Variants in NCOA2 observed in about 807,000 individuals in gnomAD.
NCOA2 encodes the protein class E basic helix-loop-helix protein 75.
NCOA2 carries 21 observed loss-of-function variants against 145.1 expected under a neutral mutation model. The ratio of observed to expected loss-of-function variants is 0.14; its 90% CI spans 0.10 to 0.21. The LOEUF is 0.21. Among genes scored for constraint, NCOA2 ranks in the 10% least tolerant of loss-of-function variants. The pLI is 1.00. For missense variants in NCOA2, 1,472 were observed against 1,837.6 expected (o/e 0.80, Z 3.64); for synonymous variants, 619 against 637.5 (o/e 0.97, Z 0.44).
Position 70,157,182 on chromosome 8 carries a change from G to C in NCOA2, c.1183C>G (p.Leu395Val), listed in dbSNP as rs752708572. The change falls in exon 11 of 23, where the codon CTG becomes GTG. Residue 395 changes from leucine to valine, a missense_variant. Coordinates refer to ENST00000452400, the MANE Select transcript of NCOA2 (RefSeq NM_006540.4). Reference sequence around the variant, plus strand: ...GGGCTGTTAGAGCTAATTGGATTCAGTGGCTTCCCCATCGTTTGTCCAGTC... The same window carrying C: ...GGGCTGTTAGAGCTAATTGGATTCACTGGCTTCCCCATCGTTTGTCCAGTC... ...DLTGQTMGKP[L>V]NPISSNSPAH... 1.9e-6 allele frequency: 3 copies of C among 1,597,278 alleles called. No homozygotes were observed. Among genetic ancestry groups the C allele is most frequent in the Non-Finnish European group, 2.6e-6 (3 of 1,169,130 alleles).
chr8:70,427,405 C>G, the NCOA2 span, among the ~76,000 whole-genome samples: 7 of 152,270 alleles, frequency 4.6e-5, no homozygotes, highest in African/African-American at 1.7e-4. Context: ...CACGAATGAT[C>G]TACTAGAATC....
upstream of NCOA2, among the ~76,000 whole-genome samples, chr8:70,407,710 T>C (rs1045917351): frequency 2.6e-5 from 4 of 151,972 alleles, no homozygotes; most frequent in East Asian, 7.7e-4. Context: ...GGCAGGAGAA[T>C]TGTTTGAACC....
chr8:70,398,843 T>C (rs575924720), intron 1 of NCOA2, among the ~76,000 whole-genome samples: 1 of 152,324 alleles, frequency 6.6e-6, no homozygotes, highest in African/African-American at 2.4e-5. Context: ...ATCACAGCCA[T>C]GGGGACCCAG....
At chr8:70,281,577 A>C (rs1286224271) in intron 2 of NCOA2, among the ~76,000 whole-genome samples, 2 of 152,058 alleles carry the variant, frequency 1.3e-5, no homozygotes, top group African/African-American at 4.8e-5. Flanking sequence ...AAACTAGGAA[A>C]CTCATCACCC....
At chr8:70,187,902 A>G (rs776589222) in intron 4 of NCOA2, among the ~76,000 whole-genome samples, 2 of 152,244 alleles carry the variant, frequency 1.3e-5, no homozygotes, top group Non-Finnish European at 2.9e-5. Flanking sequence ...ATACACTATC[A>G]TAAGACTTCA....
chr8:70,250,123 G>A (rs536231926), intron 2 of NCOA2, among the ~76,000 whole-genome samples: 1 of 151,870 alleles, frequency 6.6e-6, no homozygotes, highest in East Asian at 1.9e-4. Flanking sequence ...AGGCACGGTG[G>A]CTCATGCCCT....
rs185653218 is a variant in NCOA2 at position 70,315,616 on chromosome 8, C to T, written c.-76-18816G>A. Among the ~76,000 whole-genome samples the T allele has an allele frequency of 9.9e-5, 15 of 152,198 alleles. No individual in the cohort carries two copies. The East Asian group carries it at 2.9e-3, about 29-fold the overall frequency. On this transcript the variant is annotated intron_variant, in intron 1 of 22. Coordinates refer to ENST00000452400, the MANE Select transcript of NCOA2 (RefSeq NM_006540.4). Reference sequence around the variant, plus strand: ...TATCTCTTGCTTATTCTTTTCTTCCCTATCTGTGTTAACAAAGGGAAAAGG... The same window carrying T: ...TATCTCTTGCTTATTCTTTTCTTCCTTATCTGTGTTAACAAAGGGAAAAGG...
intron 11 of NCOA2, among the ~76,000 whole-genome samples, chr8:70,155,084 T>C (rs961772619): frequency 3.9e-5 from 6 of 152,212 alleles, no homozygotes; most frequent in Admixed American, 6.5e-5. Context: ...ATTTTGAATA[T>C]CACTTAAGGT....
At chr8:70,356,690 C>T (rs113677077) in intron 1 of NCOA2, among the ~76,000 whole-genome samples, 190 of 152,292 alleles carry the variant, frequency 1.2e-3, no homozygotes, top group African/African-American at 4.4e-3. Context: ...GACTGCTACC[C>T]AGACTGATGA....
At position 70,156,218 on chromosome 8, in the gene NCOA2, C is replaced by G; in HGVS notation, c.2147G>C (p.Ser716Thr). 3 of 1,613,988 alleles carry G rather than the reference C, an allele frequency of 1.9e-6. No individual in the cohort carries two copies. Among genetic ancestry groups the G allele is most frequent in the Non-Finnish European group, 2.5e-6 (3 of 1,179,898 alleles). The part of the protein sequence containing the change: ...LTAEATGKDL[S>T]QESSSTAPGS... ...AGGAGCTGTGCTGCTGGACTCCTGG[C>G]TCAGGTCTTTGCCTGTGGCTTCTGC... is the stretch of plus-strand genomic sequence containing the variant. Residue 716 changes from serine to threonine, a missense_variant, in exon 11 of 23, where the codon AGC (serine) becomes ACC (threonine). Ser to Thr is a moderately conservative substitution (Grantham distance 58). Coordinates refer to ENST00000452400, the MANE Select transcript of NCOA2 (RefSeq NM_006540.4).
intron 1 of NCOA2, among the ~76,000 whole-genome samples, chr8:70,394,050 C>T (rs1318185038): frequency 6.6e-6 from 1 of 152,192 alleles, no homozygotes; most frequent in Non-Finnish European, 1.5e-5. Flanking sequence ...AAAAGTAGCA[C>T]AGTATAAGGA....
intron 1 of NCOA2, among the ~76,000 whole-genome samples, chr8:70,356,860 T>C (rs928178466): frequency 7.9e-5 from 12 of 152,244 alleles, no homozygotes; most frequent in Admixed American, 7.8e-4. Flanking sequence ...CTAAAAAGAC[T>C]ACTTGTTTTT....
chr8:70,416,184 T>C, the NCOA2 span, among the ~76,000 whole-genome samples: 123 of 144,220 alleles, frequency 8.5e-4, 1 homozygote, highest in African/African-American at 3.2e-3. Context: ...TTGGGGGACC[T>C]CAGTTTTTTT....
chr8:70,285,427 G>T (rs1826168250), intron 2 of NCOA2, among the ~76,000 whole-genome samples: 1 of 152,166 alleles, frequency 6.6e-6, no homozygotes, highest in Non-Finnish European at 1.5e-5. Context: ...CATTAATCAA[G>T]ATTCCCCTTA....
In NCOA2 at chr8:70,397,912, C is replaced by T. The variant is rs186145373; in HGVS notation, c.-77+5788G>A. On this transcript the variant is annotated intron_variant, in intron 1 of 22. Transcript: ENST00000452400. ...CATTATATAATTAAAATTACATACA[C>T]ACAAAAAGAACAGATCTTTAGTACT... Among the ~76,000 whole-genome samples, 304 of 152,210 alleles carry T rather than the reference C, an allele frequency of 2.0e-3. 1 individual carries two copies. The highest frequency in any genetic ancestry group is 6.8e-3 in the African/African-American group (283 of 41,542).
At chr8:70,280,669 A>G (rs921927958) in intron 2 of NCOA2, among the ~76,000 whole-genome samples, 3 of 152,178 alleles carry the variant, frequency 2.0e-5, no homozygotes, top group African/African-American at 7.2e-5. Flanking sequence ...TTGAGACATC[A>G]TCTGTGTCCT....
chr8:70,386,107 C>G (rs1812638021), intron 1 of NCOA2, among the ~76,000 whole-genome samples: 1 of 152,122 alleles, frequency 6.6e-6, no homozygotes, highest in Non-Finnish European at 1.5e-5. Flanking sequence ...ATTCCATGAC[C>G]CTCTGTGCTT....
intron 1 of NCOA2, among the ~76,000 whole-genome samples, chr8:70,352,985 T>C (rs900716516): frequency 6.6e-6 from 1 of 152,202 alleles, no homozygotes; most frequent in Non-Finnish European, 1.5e-5. Flanking sequence ...ATCCACCCTA[T>C]GCTTTAGTAC....
chr8:70,152,033 G>A (rs1811808582), intron 11 of NCOA2, among the ~76,000 whole-genome samples: 1 of 152,072 alleles, frequency 6.6e-6, no homozygotes, highest in Non-Finnish European at 1.5e-5. Context: ...CACTTTGTTA[G>A]GCACAATTTC....
Sources: gnomAD v4.1 joint callset for allele counts (sites outside exome capture counted in the v4.1 genomes callset) on GRCh38, gnomAD v4.1.1 for gene constraint, MANE v1.5 for transcripts, NCBI Gene and HGNC (gene_info 2026-07-23, HGNC 2026-07-21) for gene names.